NAV3: variants seen among roughly 807,000 people sequenced by gnomAD.
The protein encoded by NAV3 is neuron navigator 3.
NAV3 carries 87 observed loss-of-function variants against 244.7 expected under a neutral mutation model. The observed-to-expected ratio is 0.36, with a 90% confidence interval of 0.30 to 0.42. The LOEUF is 0.42. NAV3 is among the 20% of genes least tolerant of loss of function. The pLI, the probability that NAV3 is intolerant of heterozygous loss-of-function variation, is 1.00. For synonymous variants in NAV3, 1,126 were observed against 1,042.2 expected (o/e 1.08, Z -1.55); for missense variants, 2,663 against 2,893.3 (o/e 0.92, Z 1.83).
intron 1 of NAV3, among the ~76,000 whole-genome samples, chr12:77,903,624 A>C (rs1885583052): frequency 6.6e-6 from 1 of 152,226 alleles, no homozygotes; most frequent in African/African-American, 2.4e-5. Context: ...CAATGGCAAC[A>C]AAAGCCAAAA....
chr12:77,805,228 C>T (rs945932576), intron 2 of NAV3, among the ~76,000 whole-genome samples: 6 of 152,168 alleles, frequency 3.9e-5, no homozygotes, highest in African/African-American at 1.4e-4. Flanking sequence ...TGAGAGAGGG[C>T]GTCCTTTTCT....
chr12:77,910,170 G>A (rs924521133), intron 1 of NAV3, among the ~76,000 whole-genome samples: 6 of 152,028 alleles, frequency 3.9e-5, no homozygotes. Flanking sequence ...AAGAAAAGAG[G>A]TTTATTTTGG....
At chr12:77,754,986 T>C (rs1869058180) in intron 2 of NAV3, among the ~76,000 whole-genome samples, 1 of 152,212 alleles carries the variant, frequency 6.6e-6, no homozygotes. Flanking sequence ...AAATATGATA[T>C]TCTGAATAAT....
At chr12:78,166,757 G>T (rs1957797221) in intron 23 of NAV3, among the ~76,000 whole-genome samples, 1 of 151,622 alleles carries the variant, frequency 6.6e-6, no homozygotes, top group Non-Finnish European at 1.5e-5. Context: ...TTTTATAAGA[G>T]ATTTCTTGTG....
chr12:78,155,176 C>A (rs1297762937), intron 22 of NAV3, among the ~76,000 whole-genome samples: 1 of 152,026 alleles, frequency 6.6e-6, no homozygotes, highest in African/African-American at 2.4e-5. Flanking sequence ...TCTCCCTCCC[C>A]TAACTCCCAC....
At chr12:78,145,962 T>A (rs1956846768) in intron 20 of NAV3, among the ~76,000 whole-genome samples, 1 of 152,182 alleles carries the variant, frequency 6.6e-6, no homozygotes, top group South Asian at 2.1e-4. Context: ...GAGGTCTCTA[T>A]AATTTTATGG....
chr12:77,812,241 G>GA (rs143474422), intron 2 of NAV3, among the ~76,000 whole-genome samples: 1 of 151,922 alleles, frequency 6.6e-6, no homozygotes, highest in Non-Finnish European at 1.5e-5. Context: ...AAAGCATTTA[G>GA]AAAACCCCCT....
chr12:77,759,783 G>T (rs567135631), intron 2 of NAV3, among the ~76,000 whole-genome samples: 1 of 152,000 alleles, frequency 6.6e-6, no homozygotes, highest in Admixed American at 6.6e-5. Context: ...AACATTTCTG[G>T]ATCATATTCC....
intron 2 of NAV3, among the ~76,000 whole-genome samples, chr12:77,814,875 C>T (rs1353152279): frequency 6.6e-6 from 1 of 152,074 alleles, no homozygotes; most frequent in South Asian, 2.1e-4. Context: ...GTGTGCAGCC[C>T]CAGTTTCAGG....
intron 12 of NAV3, among the ~76,000 whole-genome samples, chr12:78,095,543 A>C (rs1221822978): frequency 6.6e-6 from 1 of 152,200 alleles, no homozygotes; most frequent in Non-Finnish European, 1.5e-5. Flanking sequence ...GCTAAAGTTT[A>C]CAGAATTTAT....
Position 78,118,180 on chromosome 12 carries a change from G to T in NAV3, c.2923G>T (p.Ala975Ser), listed in dbSNP as rs1423825155. 6 of 1,613,896 alleles carry T rather than the reference G, an allele frequency of 3.7e-6. No individual in the cohort carries two copies. In the African/African-American group the frequency reaches 4.0e-5, roughly 11 times the overall value. ...TGGACTTCCTGAAGACCCCGAGAAGGCAGGGCAGAAAGCTTCCCTGTCTGT... is the reference window on the plus strand; with the variant it reads ...TGGACTTCCTGAAGACCCCGAGAAGTCAGGGCAGAAAGCTTCCCTGTCTGT... ...SSGLPEDPEK[A>S]GQKASLSVSQ... The change falls in exon 14 of 40, where the codon GCA becomes TCA. Residue 975 changes from alanine (A) to serine (S), a missense_variant. This residue lies in a region of NAV3 where 1,521 missense variants were observed against 1,497.0 expected (regional missense o/e 1.02). Coordinates refer to ENST00000397909, the MANE Select transcript of NAV3 (RefSeq NM_001024383.2).
intron 2 of NAV3, among the ~76,000 whole-genome samples, chr12:77,821,463 CAT>C (rs1186965720): frequency 3.9e-5 from 6 of 152,158 alleles, no homozygotes; most frequent in Admixed American, 6.5e-5. Context: ...AGATGGTTAA[CAT>C]GTGGATTCTG....
chr12:77,676,575 A>AT (rs1874217610), intron 2 of NAV3, among the ~76,000 whole-genome samples: 5 of 136,782 alleles, frequency 3.7e-5, no homozygotes, highest in Non-Finnish European at 7.9e-5. Context: ...TTTTTTTTAA[A>AT]TTTTTTAAAA....
intron 13 of NAV3, among the ~76,000 whole-genome samples, chr12:78,117,158 C>CATATATATATAT (rs377148138): frequency 8.8e-4 from 62 of 70,306 alleles, no homozygotes; most frequent in East Asian, 1.5e-3. Flanking sequence ...ACAGAAGCAG[C>CATATATATATAT]ATATATATAT....
intron 34 of NAV3, among the ~76,000 whole-genome samples, chr12:78,194,538 T>G (rs944818186): frequency 2.6e-5 from 4 of 152,080 alleles, no homozygotes; most frequent in African/African-American, 4.8e-5. Context: ...ATCTCTAGGC[T>G]TCAATAATTT....
intron 2 of NAV3, among the ~76,000 whole-genome samples, chr12:77,766,194 A>C (rs1239761515): frequency 6.6e-6 from 1 of 152,226 alleles, no homozygotes; most frequent in Non-Finnish European, 1.5e-5. Context: ...CACTAGGGAA[A>C]AGAAGGAGCT....
intron 23 of NAV3, among the ~76,000 whole-genome samples, chr12:78,165,652 A>T (rs539972607): frequency 2.6e-5 from 4 of 152,022 alleles, no homozygotes; most frequent in African/African-American, 9.6e-5. Flanking sequence ...TCTATGCATT[A>T]TAGAAACCTG....
intron 2 of NAV3, among the ~76,000 whole-genome samples, chr12:77,616,364 C>G: frequency 6.6e-6 from 1 of 152,176 alleles, no homozygotes; most frequent in East Asian, 1.9e-4. Flanking sequence ...CGAGATCACA[C>G]CACTGTACTT....
At chr12:77,599,138 G>C (rs927666492) in intron 2 of NAV3, among the ~76,000 whole-genome samples, 2 of 151,784 alleles carry the variant, frequency 1.3e-5, no homozygotes. Context: ...TCCATAACTG[G>C]CTTGTTTCCC....
Sources: gnomAD v4.1 joint callset for allele counts (sites outside exome capture counted in the v4.1 genomes callset) on GRCh38, gnomAD v4.1.1 for gene constraint, gnomAD v4.1.1 regional missense constraint, MANE v1.5 for transcripts, NCBI Gene and HGNC (gene_info 2026-07-23, HGNC 2026-07-21) for gene names.